The following RBFOX1 variants were observed in gnomAD, a reference collection of about 807,000 sequenced individuals.
RBFOX1 encodes the protein RNA binding protein fox-1 homolog 1.
RBFOX1 carries 8 observed loss-of-function variants against 57.7 expected under a neutral mutation model. The ratio of observed to expected loss-of-function variants is 0.14; its 90% CI spans 0.08 to 0.25. RBFOX1 has a LOEUF of 0.25. RBFOX1 is among the 10% of genes least tolerant of loss of function. The probability of loss-of-function intolerance (pLI) is 1.00; values close to 1 mark genes in which losing one functional copy is unlikely to be tolerated. For missense variants in RBFOX1, 611 were observed against 548.5 expected, an observed-to-expected ratio of 1.11 and a Z score of -1.14; for synonymous variants, 326 against 222.4, an observed-to-expected ratio of 1.47 and a Z score of -4.15.
At chr16:7,064,665 G>A (rs891719688) in intron 4 of RBFOX1, among the ~76,000 whole-genome samples, 1 of 152,050 alleles carries the variant, frequency 6.6e-6, no homozygotes, top group African/African-American at 2.4e-5. Flanking sequence ...TGATTTCCCT[G>A]GTCCACGGTA....
At chr16:7,410,740 C>G (rs191087837) in intron 4 of RBFOX1, among the ~76,000 whole-genome samples, 2 of 152,232 alleles carry the variant, frequency 1.3e-5, no homozygotes, top group East Asian at 3.9e-4. Context: ...CTATCCTCCT[C>G]TCTTGGTTGG....
intron 3 of RBFOX1, among the ~76,000 whole-genome samples, chr16:5,702,814 T>A (rs1012060809): frequency 1.3e-5 from 2 of 152,194 alleles, no homozygotes; most frequent in Non-Finnish European, 2.9e-5. Context: ...GTTGTGGAAC[T>A]AAGTTTAGTA....
chr16:5,980,992 A>G (rs1345623471), intron 4 of RBFOX1, among the ~76,000 whole-genome samples: 1 of 152,180 alleles, frequency 6.6e-6, no homozygotes, highest in Non-Finnish European at 1.5e-5. Context: ...CTGCAGACCC[A>G]CAGCCTGCCT....
intron 7 of RBFOX1, among the ~76,000 whole-genome samples, chr16:7,593,076 AACTGC>A (rs1442525403): frequency 6.6e-6 from 1 of 151,856 alleles, no homozygotes; most frequent in Non-Finnish European, 1.5e-5. Flanking sequence ...TGGCCTCCCA[AACTGC>A]TTGCATTACA....
chr16:6,805,706 A>T (rs1029088822), intron 3 of RBFOX1, among the ~76,000 whole-genome samples: 1 of 149,812 alleles, frequency 6.7e-6, no homozygotes, highest in Non-Finnish European at 1.5e-5. Flanking sequence ...CATCTTGTCC[A>T]TTCTGCATGC....
intron 4 of RBFOX1, among the ~76,000 whole-genome samples, chr16:5,943,965 A>ACCCC (rs61534401): frequency 2.2e-5 from 3 of 135,956 alleles, no homozygotes; most frequent in African/African-American, 9.1e-5. Flanking sequence ...CCATCCATCC[A>ACCCC]CCCCCCCACC....
chr16:6,905,456 G>A (rs1262599617), intron 3 of RBFOX1, among the ~76,000 whole-genome samples: 2 of 151,910 alleles, frequency 1.3e-5, no homozygotes, highest in Non-Finnish European at 2.9e-5. Context: ...GGGAGTCTGA[G>A]GCAGGAGAAT....
At chr16:5,566,055 G>C (rs1482269953) in intron 2 of RBFOX1, among the ~76,000 whole-genome samples, 3 of 152,114 alleles carry the variant, frequency 2.0e-5, no homozygotes, top group Non-Finnish European at 4.4e-5. Context: ...TGCCATATGA[G>C]ATGTGACTTT....
At chr16:6,409,935 C>G (rs1477877310) in intron 2 of RBFOX1, among the ~76,000 whole-genome samples, 1 of 152,062 alleles carries the variant, frequency 6.6e-6, no homozygotes, top group Non-Finnish European at 1.5e-5. Context: ...AAAAACAAGG[C>G]AGGAGCACCC....
intron 4 of RBFOX1, among the ~76,000 whole-genome samples, chr16:5,909,652 G>C (rs1034469792): frequency 6.6e-6 from 1 of 152,158 alleles, no homozygotes; most frequent in African/African-American, 2.4e-5. Context: ...ATCTCTACCT[G>C]AGGTCTGTTT....
Position 6,471,321 on chromosome 16 carries a change from G to T in RBFOX1, c.-64+154264G>T, listed in dbSNP as rs116959219. On this transcript the variant is annotated intron_variant, in intron 2 of 15. Coordinates refer to ENST00000550418, the MANE Select transcript of RBFOX1 (RefSeq NM_018723.4). ...CCTTTGCCTTTAGTTAGAACAAGAG[G>T]CATCCTCTACCAAGTAGATGCATAG... Among the ~76,000 whole-genome samples the T allele has an allele frequency of 4.0e-3, 611 of 152,232 alleles. 27 individuals are homozygous for T. The East Asian group carries it at 0.088, about 22-fold the overall frequency.
At chr16:6,543,113 G>C (rs1182047081) in intron 2 of RBFOX1, among the ~76,000 whole-genome samples, 2 of 152,168 alleles carry the variant, frequency 1.3e-5, no homozygotes, top group Non-Finnish European at 2.9e-5. Context: ...TCCGTGTTTA[G>C]CAGATAAGGA....
At chr16:5,552,817 C>T (rs778387952) in intron 2 of RBFOX1, among the ~76,000 whole-genome samples, 16 of 140,120 alleles carry the variant, frequency 1.1e-4, no homozygotes, top group Admixed American at 3.0e-4. Context: ...CCCCAGGCCT[C>T]GGAGCAGATA....
intron 3 of RBFOX1, among the ~76,000 whole-genome samples, chr16:6,809,001 C>G (rs967107329): frequency 6.6e-6 from 1 of 152,196 alleles, no homozygotes; most frequent in African/African-American, 2.4e-5. Context: ...ATAGACAAGA[C>G]TGAAAACCTG....
chr16:7,379,409 T>G (rs1405419836), intron 4 of RBFOX1, among the ~76,000 whole-genome samples: 2 of 152,332 alleles, frequency 1.3e-5, no homozygotes, highest in Admixed American at 6.5e-5. Context: ...AGAACACTTG[T>G]GTGCAATGGA....
chr16:6,468,505 T>C lies in RBFOX1; in HGVS notation c.-64+151448T>C, dbSNP rs146539937. On this transcript the variant is annotated intron_variant, in intron 2 of 15. Coordinates refer to ENST00000550418, the MANE Select transcript of RBFOX1 (RefSeq NM_018723.4). ...AAGTCTAGAGATTATGAGTGATGCA[T>C]CATTGTCACTCAAACTGAAATTGGT... 2.5e-3 allele frequency among the ~76,000 whole-genome samples: 381 copies of C among 152,294 alleles called. 2 individuals are homozygous for C. Among genetic ancestry groups the C allele is most frequent in the African/African-American group, 8.5e-3 (354 of 41,586 alleles).
At chr16:6,895,050 C>A (rs181068070) in intron 3 of RBFOX1, among the ~76,000 whole-genome samples, 1 of 152,150 alleles carries the variant, frequency 6.6e-6, no homozygotes, top group Non-Finnish European at 1.5e-5. Context: ...CAAATGCTGG[C>A]TGTAGATAAA....
At chr16:5,547,055 A>C (rs775348601) in intron 2 of RBFOX1, among the ~76,000 whole-genome samples, 6 of 152,212 alleles carry the variant, frequency 3.9e-5, no homozygotes, top group Non-Finnish European at 5.9e-5. Flanking sequence ...ATGAGATACC[A>C]TTATACATCT....
intron 3 of RBFOX1, among the ~76,000 whole-genome samples, chr16:6,891,586 T>C (rs2065438215): frequency 6.6e-6 from 1 of 152,206 alleles, no homozygotes; most frequent in Admixed American, 6.5e-5. Context: ...AGGCATAGCA[T>C]TCCTCAGCAC....
Sources: gnomAD v4.1 joint callset for allele counts (sites outside exome capture counted in the v4.1 genomes callset) on GRCh38, gnomAD v4.1.1 for gene constraint, MANE v1.5 for transcripts, NCBI Gene and HGNC (gene_info 2026-07-23, HGNC 2026-07-21) for gene names.